NOD2: variants seen among roughly 807,000 people sequenced by gnomAD.
The protein encoded by NOD2 is nucleotide binding oligomerization domain containing 2, also known as nucleotide-binding oligomerization domain-containing protein 2.
In NOD2, 86 loss-of-function variants were observed where a neutral mutation model predicts 90.9. The ratio of observed to expected loss-of-function variants is 0.95; its 90% CI spans 0.79 to 1.13. The LOEUF is 1.13. Among genes scored for constraint, NOD2 ranks in the 50% most tolerant of loss-of-function variants. The pLI, the probability that NOD2 is intolerant of heterozygous loss-of-function variation, is 0.00. For missense variants in NOD2, 1,238 were observed against 1,283.8 expected (o/e 0.96, Z 0.55); for synonymous variants, 581 against 554.6 (o/e 1.05, Z -0.67).
intron 2 of NOD2, among the ~76,000 whole-genome samples, chr16:50,707,207 T>G (rs1964235560): frequency 6.6e-6 from 1 of 152,234 alleles, no homozygotes; most frequent in African/African-American, 2.4e-5. Flanking sequence ...TGGGACATGC[T>G]TTGAAGGTGG....
At chr16:50,720,548 G>A (rs1965007817) in intron 7 of NOD2, among the ~76,000 whole-genome samples, 1 of 152,170 alleles carries the variant, frequency 6.6e-6, no homozygotes, top group Non-Finnish European at 1.5e-5. Flanking sequence ...CCATGCTAGG[G>A]CCTGCCAGGG....
At chr16:50,712,788 A>G (rs571219080) in intron 4 of NOD2, 2 of 250,652 alleles carry the variant, frequency 8.0e-6, no homozygotes, top group Non-Finnish European at 1.6e-5. Context: ...GATACACTTC[A>G]GAGGCTCCCT....
At chr16:50,713,134 C>T (rs1964615924) in intron 4 of NOD2, 1 of 153,150 alleles carries the variant, frequency 6.5e-6, no homozygotes, top group African/African-American at 2.4e-5. Flanking sequence ...TGTGCCTAGG[C>T]CTGCGGATCA....
chr16:50,706,447 A>G (rs1381860699), intron 2 of NOD2, among the ~76,000 whole-genome samples: 1 of 152,208 alleles, frequency 6.6e-6, no homozygotes, highest in Non-Finnish European at 1.5e-5. Flanking sequence ...GGGCAGGAAC[A>G]GAAGCAGGGG....
chr16:50,719,531 C>A (rs1412772352), intron 6 of NOD2, among the ~76,000 whole-genome samples: 2 of 152,184 alleles, frequency 1.3e-5, no homozygotes, highest in Non-Finnish European at 2.9e-5. Context: ...TAAAGCCTAC[C>A]TGTAGCAACA....
rs200519856 is a variant in NOD2 at position 50,729,807 on chromosome 16, T to G, written c.2886-11T>G. Reference sequence around the variant, plus strand: ...AATCCTTGAAGCTCACCATTGTATCTTCTTTTCCAGGTTGTCCAATAACTG... The same window carrying G: ...AATCCTTGAAGCTCACCATTGTATCGTCTTTTCCAGGTTGTCCAATAACTG... On this transcript the variant is annotated splice_polypyrimidine_tract_variant and intron_variant, in intron 10 of 11. Coordinates refer to ENST00000647318, the MANE Select transcript of NOD2 (RefSeq NM_001370466.1). 5.9e-5 allele frequency: 95 copies of G among 1,609,254 alleles called. No homozygotes were observed. The African/African-American group carries it at 1.1e-3, about 19-fold the overall frequency.
chr16:50,708,834 C>T (rs999140803), intron 3 of NOD2, among the ~76,000 whole-genome samples: 3 of 152,158 alleles, frequency 2.0e-5, no homozygotes, highest in African/African-American at 7.2e-5. Flanking sequence ...GCCTGGCACT[C>T]GCGAGTGCAC....
chr16:50,701,395 C>A (rs1199548160), intron 2 of NOD2, among the ~76,000 whole-genome samples: 1 of 152,202 alleles, frequency 6.6e-6, no homozygotes, highest in Non-Finnish European at 1.5e-5. Flanking sequence ...GTGTTGTTCA[C>A]ATGAGTCTGG....
chr16:50,708,271 A>G (rs755553512), intron 3 of NOD2, among the ~76,000 whole-genome samples: 60 of 152,358 alleles, frequency 3.9e-4, no homozygotes, highest in Non-Finnish European at 3.4e-4. Flanking sequence ...ATCTGTACCG[A>G]AAAGATATGG....
rs766913692 is a variant in NOD2 at position 50,719,815 on chromosome 16, C to T, written c.2550-110C>T. 8.3e-6 allele frequency: 8 copies of T among 964,238 alleles called. No individual in the cohort carries two copies. In the East Asian group the frequency reaches 1.2e-4, roughly 14 times the overall value. 59.7% of individuals were successfully genotyped at this position (964,238 alleles called of 1,614,324 possible). On this transcript the variant is annotated intron_variant, in intron 6 of 11. Transcript: ENST00000647318. ...GGCACCTGATGTGGCTGCTGCCTCCCGGGCAGGTCTTCAATGCTTTCTTCC... is the reference window on the plus strand; with the variant it reads ...GGCACCTGATGTGGCTGCTGCCTCCTGGGCAGGTCTTCAATGCTTTCTTCC...
In NOD2 at chr16:50,710,996, A is replaced by C. The variant is rs1310692375; in HGVS notation, c.1004A>C (p.Asp335Ala). 1 of 1,614,150 alleles carries C rather than the reference A, an allele frequency of 6.2e-7. No homozygotes were observed. The highest frequency in any genetic ancestry group is 8.5e-7 in the Non-Finnish European group (1 of 1,180,020). The change falls in exon 4 of 12, where the codon GAC (aspartate) becomes GCC (alanine). Residue 335 changes from aspartate (D) to alanine (A), a missense_variant. By Grantham distance (126) the Asp-to-Ala change is moderately radical (BLOSUM62 -2). Transcript: ENST00000647318. The part of the protein sequence containing the change: ...HCCWPDVGQE[D>A]IFQLLLDHPD... ...TGTTGGCCTGATGTTGGTCAAGAAGACATCTTCCAGTTACTCCTTGACCAC... is the reference window on the plus strand; with the variant it reads ...TGTTGGCCTGATGTTGGTCAAGAAGCCATCTTCCAGTTACTCCTTGACCAC...
At chr16:50,725,399 T>C in intron 9 of NOD2, 90 bp from the exon 10 acceptor site, 1 of 980,996 alleles carries the variant, frequency 1.0e-6, no homozygotes. Flanking sequence ...GGTTTTCAGA[T>C]GTTGGATTTC....
intron 3 of NOD2, among the ~76,000 whole-genome samples, chr16:50,709,560 T>C (rs1964364071): frequency 6.6e-6 from 1 of 152,164 alleles, no homozygotes; most frequent in Non-Finnish European, 1.5e-5. Context: ...TCTCCCTGCA[T>C]GGGGTGCATG....
intron 1 of NOD2, 37 bp downstream of exon 1, chr16:50,693,699 GGGAGACTGTGGGCGCCGAGGGTCC>G (rs567402662): frequency 1.3e-5 from 2 of 152,514 alleles, no homozygotes; most frequent in South Asian, 4.1e-4. Context: ...GTGGGCTGGG[GGGAGACTGTGGGCGCCGAGGGTCC>G]CACCCCCGGG....
intron 1 of NOD2, chr16:50,697,480 G>A: frequency 1.4e-6 from 1 of 733,254 alleles, no homozygotes; most frequent in Non-Finnish European, 2.4e-6. Flanking sequence ...CCAGGACCTG[G>A]GCAGGGTCAA....
chr16:50,703,743 AGG>A (rs1455295093), intron 2 of NOD2, among the ~76,000 whole-genome samples: 1 of 152,042 alleles, frequency 6.6e-6, no homozygotes, highest in Non-Finnish European at 1.5e-5. Flanking sequence ...AAGGTTCCCA[AGG>A]CAGGGAAAGC....
At chr16:50,717,797 G>C (rs1011997197) in intron 6 of NOD2, among the ~76,000 whole-genome samples, 1 of 152,210 alleles carries the variant, frequency 6.6e-6, no homozygotes, top group Admixed American at 6.5e-5. Context: ...GCTGTGGCCA[G>C]ACCTGGCTGG....
rs754856212 is a variant in NOD2, at chr16:50,712,080, G to T, written c.2088G>T (p.Pro696=). The T allele has an allele frequency of 5.0e-6, 8 of 1,613,604 alleles. No individual in the cohort carries two copies. The East Asian group carries it at 6.7e-5, about 13-fold the overall frequency. ...TCCGCAAGCACTTCCACTCCATCCC[G>T]CCAGCTGCACCGGGTGAGGCCAAGA... ...RSLRKHFHSI[P]PAAPGEAKSV... The change falls in exon 4 of 12, where the codon CCG becomes CCT. Residue 696 remains proline (P), a synonymous_variant. Transcript: ENST00000647318.
At chr16:50,721,733 T>G (rs538580662) in intron 7 of NOD2, among the ~76,000 whole-genome samples, 1 of 152,266 alleles carries the variant, frequency 6.6e-6, no homozygotes, top group East Asian at 1.9e-4. Flanking sequence ...GCTCAGGTGA[T>G]CCTCCCTCCT....
Sources: gnomAD v4.1 joint callset for allele counts (sites outside exome capture counted in the v4.1 genomes callset) on GRCh38, gnomAD v4.1.1 for gene constraint, MANE v1.5 for transcripts, NCBI Gene and HGNC (gene_info 2026-07-23, HGNC 2026-07-21) for gene names.